Variants in STOX1 observed in about 807,000 individuals in gnomAD.
The protein encoded by STOX1 is storkhead-box protein 1.
A neutral mutation model predicts 74.8 loss-of-function variants in STOX1; 57 were observed. The ratio of observed to expected loss-of-function variants is 0.76; its 90% confidence interval spans 0.62 to 0.95. The LOEUF (loss-of-function observed/expected upper bound fraction) is 0.95. Among genes scored for constraint, STOX1 ranks in the 40% least tolerant of loss-of-function variants. The pLI is 0.00. For synonymous variants in STOX1, 375 were observed against 401.3 expected, an observed-to-expected ratio of 0.93 and a Z score of 0.78; for missense variants, 1,010 against 1,117.0, an observed-to-expected ratio of 0.90 and a Z score of 1.37.
At chr10:68,832,832 T>C (rs1303527290) in intron 1 of STOX1, among the ~76,000 whole-genome samples, 2 of 152,056 alleles carry the variant, frequency 1.3e-5, no homozygotes, top group Non-Finnish European at 2.9e-5. Flanking sequence ...GGTACAATCA[T>C]GGGTCACTGC....
chr10:68,856,979 A>G (rs1237215501), intron 1 of STOX1, among the ~76,000 whole-genome samples: 1 of 152,036 alleles, frequency 6.6e-6, no homozygotes, highest in African/African-American at 2.4e-5. Flanking sequence ...CTCCTAACCA[A>G]CTACAGGCCC....
chr10:68,836,046 T>C (rs1366246791), intron 1 of STOX1, among the ~76,000 whole-genome samples: 1 of 152,050 alleles, frequency 6.6e-6, no homozygotes, highest in Non-Finnish European at 1.5e-5. Context: ...TAATTTTTTG[T>C]ATTTTTAGTA....
chr10:68,875,113 T>G (rs1840644130), intron 1 of STOX1, among the ~76,000 whole-genome samples: 1 of 152,214 alleles, frequency 6.6e-6, no homozygotes, highest in African/African-American at 2.4e-5. Context: ...ATGTACTATT[T>G]GAAGCCTGGC....
At chr10:68,828,499 A>G (rs1434568041) in intron 1 of STOX1, among the ~76,000 whole-genome samples, 2 of 152,082 alleles carry the variant, frequency 1.3e-5, no homozygotes, top group Non-Finnish European at 2.9e-5. Flanking sequence ...GGCCGCTGCT[A>G]GTACTGGCTC....
chr10:68,852,249 C>CTTT lies in STOX1; in HGVS notation c.310+24334_310+24336dup, dbSNP rs34908700. On this transcript the variant is annotated intron_variant, in intron 1 of 3. Coordinates refer to ENST00000298596, the MANE Select transcript of STOX1 (RefSeq NM_152709.5). ...ATGAGTTTAAGTTTTTCTCTTACTG[C>CTTT]TTTTTTTTTTTTTTTTTTTTGAGAC... 2.7e-3 allele frequency among the ~76,000 whole-genome samples: 323 copies of CTTT among 118,944 alleles called. 16 individuals carry two copies. Among genetic ancestry groups the CTTT allele is most frequent in the African/African-American group, 7.9e-3 (247 of 31,450 alleles). The allele number at this position is 118,944 out of a possible 152,430, so 78.0% of individuals were successfully genotyped here. A position where few individuals can be genotyped will look rare whatever the true frequency, so the allele number is the denominator to read the frequency against.
intron 1 of STOX1, among the ~76,000 whole-genome samples, chr10:68,835,259 C>T (rs1839516954): frequency 6.6e-6 from 1 of 151,930 alleles, no homozygotes; most frequent in African/African-American, 2.4e-5. Flanking sequence ...CCAGGCTGGT[C>T]TCAAACTCCT....
In STOX1 at chr10:68,883,318, A is replaced by C. The variant is rs550985006; in HGVS notation, c.464-942A>C. On this transcript the variant is annotated intron_variant, in intron 2 of 3. Transcript: ENST00000298596. Reference sequence around the variant, plus strand: ...TTCCTCAGTCACAGTTTAAATTTATAATGGGTTTTTATTTGAGTGAATTCA... The same window carrying C: ...TTCCTCAGTCACAGTTTAAATTTATCATGGGTTTTTATTTGAGTGAATTCA... 3.4e-5 allele frequency among the ~76,000 whole-genome samples: 5 copies of C among 145,266 alleles called. No individual in the cohort carries two copies. In the East Asian group the frequency reaches 6.4e-4, roughly 19 times the overall value.
chr10:68,850,893 G>A (rs987818086), intron 1 of STOX1, among the ~76,000 whole-genome samples: 4 of 152,016 alleles, frequency 2.6e-5, no homozygotes, highest in Non-Finnish European at 4.4e-5. Flanking sequence ...GATTGCTTGA[G>A]CCCGTGAGAT....
chr10:68,834,763 C>T (rs1421693458), intron 1 of STOX1, among the ~76,000 whole-genome samples: 2 of 152,138 alleles, frequency 1.3e-5, no homozygotes, highest in Non-Finnish European at 2.9e-5. Context: ...CTCACTCTGT[C>T]ACCCAGGCTG....
intron 3 of STOX1, among the ~76,000 whole-genome samples, chr10:68,887,319 G>A (rs994384827): frequency 6.6e-6 from 1 of 152,118 alleles, no homozygotes; most frequent in African/African-American, 2.4e-5. Context: ...TTTTGTTCTT[G>A]TCACCCAGGC....
Position 68,831,185 on chromosome 10 carries a change from TTATC to T in STOX1, c.310+3256_310+3259del, listed in dbSNP as rs988416327. 3.9e-4 allele frequency among the ~76,000 whole-genome samples: 59 copies of T among 152,062 alleles called. 1 individual carries two copies. The highest frequency in any genetic ancestry group is 1.7e-3 in the Admixed American group (26 of 15,258). ...TGATCTCTTTGCCATAGATATTTATTTATCTATTTATTTATTTTTGAGACGATGT... is the reference window on the plus strand; with the variant it reads ...TGATCTCTTTGCCATAGATATTTATTTATTTATTTATTTTTGAGACGATGT... On this transcript the variant is annotated intron_variant, in intron 1 of 3. Coordinates refer to ENST00000298596, the MANE Select transcript of STOX1 (RefSeq NM_152709.5).
At chr10:68,888,063 A>ACACACACACGCGCGCACACACG (rs990162356) in intron 3 of STOX1, among the ~76,000 whole-genome samples, 1 of 133,162 alleles carries the variant, frequency 7.5e-6, no homozygotes, top group African/African-American at 4.1e-5. Flanking sequence ...TTATTCTAAC[A>ACACACACACGCGCGCACACACG]CACACACACG....
At chr10:68,829,161 GAGA>G (rs1451353473) in intron 1 of STOX1, among the ~76,000 whole-genome samples, 3 of 152,196 alleles carry the variant, frequency 2.0e-5, no homozygotes, top group South Asian at 2.1e-4. Flanking sequence ...TCCATCCGAG[GAGA>G]AGGAGTCGCA....
At chr10:68,859,103 G>C (rs1417941) in intron 1 of STOX1, among the ~76,000 whole-genome samples, 1 of 151,834 alleles carries the variant, frequency 6.6e-6, no homozygotes, top group African/African-American at 2.4e-5. Flanking sequence ...GGGATTGCCT[G>C]CTTCTGAAAT....
intron 1 of STOX1, among the ~76,000 whole-genome samples, chr10:68,874,651 A>T (rs1366869826): frequency 6.9e-5 from 4 of 57,634 alleles, no homozygotes; most frequent in Non-Finnish European, 1.3e-4. Flanking sequence ...ACAGAGCGAG[A>T]CTCCGTCTCA....
chr10:68,885,141 C>T lies in STOX1; in HGVS notation c.1345C>T (p.Leu449=). The change falls in exon 3 of 4, where the codon CTG becomes TTG. Residue 449 remains leucine, a synonymous_variant. Transcript: ENST00000298596. The stretch of plus-strand genomic sequence containing the variant: ...TGAGTTTCAGCCAGGAAGCATTAGA[C>T]TGGAGAAACACCCCAAGCTCCCTGC... The part of the protein sequence containing the change: ...GSEFQPGSIR[L]EKHPKLPATQ... 1 of 1,613,732 alleles carries T rather than the reference C, an allele frequency of 6.2e-7. No individual in the cohort carries two copies. The highest frequency in any genetic ancestry group is 8.5e-7 in the Non-Finnish European group (1 of 1,179,790).
Position 68,886,213 on chromosome 10 carries a change from A to G in STOX1, c.2417A>G (p.His806Arg), listed in dbSNP as rs1376956727. 6.2e-7 allele frequency: 1 copy of G among 1,614,230 alleles called. No individual in the cohort carries two copies. ...GAATGCTACAAACCCACTGGGCTGC[A>G]TGCTACCCCAGGTGAAAGCCAAGAA... Reference protein sequence around the residue: ...RNECYKPTGLHATPGESQEPN... With the variant: ...RNECYKPTGLRATPGESQEPN... The change falls in exon 3 of 4, where the codon CAT becomes CGT. Residue 806 changes from histidine (H) to arginine (R), a missense_variant. Transcript: ENST00000298596.
intron 1 of STOX1, among the ~76,000 whole-genome samples, chr10:68,878,136 G>T (rs1051770059): frequency 6.6e-6 from 1 of 152,174 alleles, no homozygotes; most frequent in South Asian, 2.1e-4. Flanking sequence ...CACAGGAAAA[G>T]ATGTTTTTAG....
rs776309209 is a variant in STOX1, at chr10:68,886,625, C to A, written c.2822+7C>A. 22 of 1,613,178 alleles carry A rather than the reference C, an allele frequency of 1.4e-5. No individual in the cohort carries two copies. Among genetic ancestry groups the A allele is most frequent in the Non-Finnish European group, 1.7e-5 (20 of 1,179,726 alleles). On this transcript the variant is annotated splice_region_variant and intron_variant, in intron 3 of 3. Transcript: ENST00000298596. ...GTGGAATAGATTCTCCACGGTAGGT[C>A]CATACAAAAGTGTCTGATTTAGGCC... is the stretch of plus-strand genomic sequence containing the variant.
Sources: gnomAD v4.1 joint callset for allele counts (sites outside exome capture counted in the v4.1 genomes callset) on GRCh38, gnomAD v4.1.1 for gene constraint, MANE v1.5 for transcripts, NCBI Gene and HGNC (gene_info 2026-07-23, HGNC 2026-07-21) for gene names.